SCAF4: variants seen among roughly 807,000 people sequenced by gnomAD.
The protein encoded by SCAF4 is SR-related and CTD-associated factor 4.
SCAF4 carries 25 observed loss-of-function variants against 129.8 expected under a neutral mutation model. The observed-to-expected ratio is 0.19, with a 90% CI of 0.14 to 0.27. The LOEUF is 0.27. Among genes scored for constraint, SCAF4 ranks in the 10% least tolerant of loss-of-function variants. The probability of loss-of-function intolerance (pLI) is 1.00; values close to 1 mark genes in which losing one functional copy is unlikely to be tolerated. For synonymous variants in SCAF4, 551 were observed against 497.7 expected, an observed-to-expected ratio of 1.11 and a Z score of -1.43; for missense variants, 1,246 against 1,457.1, an observed-to-expected ratio of 0.86 and a Z score of 2.36.
chr21:31,699,502 G>GTT (rs202121304), intron 7 of SCAF4, among the ~76,000 whole-genome samples: 1 of 133,936 alleles, frequency 7.5e-6, no homozygotes, highest in Non-Finnish European at 1.6e-5. Flanking sequence ...TGTATTATTT[G>GTT]TTTTTTTTTT....
chr21:31,699,105 T>C (rs1341276232), intron 7 of SCAF4, among the ~76,000 whole-genome samples: 2 of 152,150 alleles, frequency 1.3e-5, no homozygotes, highest in Non-Finnish European at 2.9e-5. Flanking sequence ...AGAATTATTA[T>C]GATGCAGAAA....
Position 31,688,351 on chromosome 21 carries a change from G to A in SCAF4, c.1999C>T (p.Pro667Ser). ...PIPKPLPVPV[P>S]PIPVPAPITV... ...ATAGGTGCAGGAACAGGAATAGGAG[G>A]GACAGGCACAGGTAATGGTTTAGGT... The change falls in exon 16 of 20, where the codon CCT becomes TCT. Residue 667 changes from proline to serine, a missense_variant. Around this residue, in one of 6 missense-constraint regions of SCAF4, gnomAD observed 468 missense variants for 605.5 expected, o/e 0.77. Transcript: ENST00000286835. 1 of 1,613,086 alleles carries A rather than the reference G, an allele frequency of 6.2e-7. No individual in the cohort carries two copies. The highest frequency in any genetic ancestry group is 8.5e-7 in the Non-Finnish European group (1 of 1,179,240).
intron 1 of SCAF4, among the ~76,000 whole-genome samples, chr21:31,710,099 T>A (rs1253395380): frequency 6.6e-6 from 1 of 151,994 alleles, no homozygotes; most frequent in Non-Finnish European, 1.5e-5. Context: ...GGGATAACAA[T>A]GAAACATACT....
intron 1 of SCAF4, among the ~76,000 whole-genome samples, chr21:31,725,642 C>G (rs949448223): frequency 2.0e-5 from 3 of 152,168 alleles, no homozygotes; most frequent in Non-Finnish European, 2.9e-5. Flanking sequence ...CTTTGAGTCC[C>G]TTTCCGTGGT....
chr21:31,699,272 G>A (rs1325803180), intron 7 of SCAF4, among the ~76,000 whole-genome samples: 1 of 152,058 alleles, frequency 6.6e-6, no homozygotes, highest in African/African-American at 2.4e-5. Flanking sequence ...AGATTCCAGA[G>A]GGACTGAACA....
rs138987998 is a variant in SCAF4 at position 31,690,807 on chromosome 21, T to C, written c.1875A>G (p.Thr625=). The C allele has an allele frequency of 2.5e-6, 4 of 1,612,912 alleles. No individual in the cohort carries two copies. The highest frequency in any genetic ancestry group is 1.3e-5 in the African/African-American group (1 of 75,030). ...TAAATACTGCTTTACCTGGGTTAAG[T>C]GTGTCACTGTCCAACATTCCTCCTT... ...FCEGGMLDSD[T]LNPDWKGIPK... is the part of the protein sequence containing the mutation. Residue 625 remains threonine (T), a synonymous_variant, in exon 15 of 20, where the codon ACA becomes ACG. Coordinates refer to ENST00000286835, the MANE Select transcript of SCAF4 (RefSeq NM_020706.2).
chr21:31,710,973 T>C (rs2050786800), intron 1 of SCAF4, among the ~76,000 whole-genome samples: 1 of 152,210 alleles, frequency 6.6e-6, no homozygotes, highest in Admixed American at 6.5e-5. Flanking sequence ...CACCCTTACT[T>C]ATATCTTATT....
intron 7 of SCAF4, among the ~76,000 whole-genome samples, chr21:31,697,692 T>C (rs1458368863): frequency 6.6e-6 from 1 of 152,238 alleles, no homozygotes; most frequent in Admixed American, 6.5e-5. Flanking sequence ...TCTATAATAG[T>C]TCTGCCTAGA....
Position 31,690,865 on chromosome 21 carries a change from T to C in SCAF4, c.1817A>G (p.Lys606Arg), listed in dbSNP as rs781499985. 12 of 1,613,880 alleles carry C rather than the reference T, an allele frequency of 7.4e-6. No homozygotes were observed. In the East Asian group the frequency reaches 2.5e-4, roughly 33 times the overall value. ...ELGVTYIPWD[K>R]VKPEELESFC... is the part of the protein sequence containing the mutation. ...ACTCTCCAGTTCCTCAGGCTTGACT[T>C]TGTCCCATGGAATATAAGTAACACC... is the stretch of plus-strand genomic sequence containing the variant. The change falls in exon 15 of 20, where the codon AAA (lysine) becomes AGA (arginine). Residue 606 changes from lysine to arginine, a missense_variant. By Grantham distance (26) the Lys-to-Arg change is conservative. This residue lies in a region of SCAF4 where 468 missense variants were observed against 605.5 expected (regional missense o/e 0.77). Transcript: ENST00000286835.
intron 19 of SCAF4, among the ~76,000 whole-genome samples, chr21:31,680,654 T>A (rs2049974870): frequency 6.6e-6 from 1 of 152,220 alleles, no homozygotes; most frequent in Non-Finnish European, 1.5e-5. Context: ...AATTACGTAT[T>A]ATGTTAGTAC....
rs1165369054 is a variant in SCAF4 at position 31,717,870 on chromosome 21, CAT to C, written c.31-11515_31-11514del. Among the ~76,000 whole-genome samples, 607 of 124,652 alleles carry C rather than the reference CAT, an allele frequency of 4.9e-3. 8 individuals are homozygous for C. The highest frequency in any genetic ancestry group is 0.019 in the African/African-American group (553 of 28,690). The allele number at this position is 124,652 out of a possible 152,430, so 81.8% of individuals were successfully genotyped here. On this transcript the variant is annotated intron_variant, in intron 1 of 19. Coordinates refer to ENST00000286835, the MANE Select transcript of SCAF4 (RefSeq NM_020706.2). ...ACACACACACACACACACACACACA[CAT>C]ATACACATATATACACATATATACA...
At position 31,717,888 on chromosome 21, in the gene SCAF4, C is replaced by T. The variant is rs1390100993; in HGVS notation, c.31-11531G>A. 2.8e-3 allele frequency among the ~76,000 whole-genome samples: 318 copies of T among 114,430 alleles called. 4 individuals carry two copies. Among genetic ancestry groups the T allele is most frequent in the African/African-American group, 0.01 (301 of 28,944 alleles). The allele number at this position is 114,430 out of a possible 152,430, so 75.1% of individuals were successfully genotyped here. On this transcript the variant is annotated intron_variant, in intron 1 of 19. Transcript: ENST00000286835. ...ACACACACATATACACATATATACA[C>T]ATATATACACATATATACACACACA...
chr21:31,726,191 G>A (rs111369574), intron 1 of SCAF4, among the ~76,000 whole-genome samples: 2,358 of 151,882 alleles, frequency 0.016, 63 homozygotes, highest in African/African-American at 0.054. Context: ...GATTACAGGC[G>A]CCCGCCACCA....
Position 31,685,741 on chromosome 21 carries a change from G to T in SCAF4, c.2044-8C>A. On this transcript the variant is annotated splice_polypyrimidine_tract_variant and splice_region_variant and intron_variant, in intron 16 of 19. Transcript: ENST00000286835. Reference sequence around the variant, plus strand: ...CGGTTGATGTGGTGGGACCTAGAAAGAAAGATAAAAGAATAAACCACCTAT... The same window carrying T: ...CGGTTGATGTGGTGGGACCTAGAAATAAAGATAAAAGAATAAACCACCTAT... 1 of 1,564,972 alleles carries T rather than the reference G, an allele frequency of 6.4e-7. No homozygotes were observed.
intron 1 of SCAF4, among the ~76,000 whole-genome samples, chr21:31,727,426 T>C (rs537727242): frequency 6.6e-6 from 1 of 152,092 alleles, no homozygotes. Context: ...GCAAAAAAAG[T>C]GGGAGGGGCA....
intron 1 of SCAF4, among the ~76,000 whole-genome samples, chr21:31,730,742 T>C (rs1013298390): frequency 3.3e-5 from 5 of 152,174 alleles, no homozygotes; most frequent in African/African-American, 1.2e-4. Flanking sequence ...TTCTGACAAA[T>C]AGGATGTATG....
At chr21:31,685,274 G>A in intron 18 of SCAF4, 34 bp from the exon 19 acceptor site, 1 of 1,526,388 alleles carries the variant, frequency 6.6e-7, no homozygotes, top group Non-Finnish European at 9.1e-7. Context: ...ATGTGAAGCT[G>A]AATAATTAAT....
In SCAF4 at chr21:31,672,151, C is replaced by T; in HGVS notation, c.2692G>A (p.Ala898Thr). The T allele has an allele frequency of 6.2e-7, 1 of 1,605,812 alleles. No homozygotes were observed. The highest frequency in any genetic ancestry group is 8.5e-7 in the Non-Finnish European group (1 of 1,174,132). ...TTCATTCCATGAGGTGGAGGCATCG[C>T]AAAGCCCCCTGGTCCTGGCGGTGGG... ...RGPPPGPGGF[A>T]MPPPHGMKGP... Residue 898 changes from alanine (A) to threonine (T), a missense_variant, in exon 20 of 20, where the codon GCG becomes ACG. Ala to Thr is a moderately conservative substitution (Grantham distance 58). This residue lies in a region of SCAF4 where 339 missense variants were observed against 325.0 expected (regional missense o/e 1.04). Coordinates refer to ENST00000286835, the MANE Select transcript of SCAF4 (RefSeq NM_020706.2).
intron 1 of SCAF4, among the ~76,000 whole-genome samples, chr21:31,723,609 G>GTTTTGTGTGT (rs112184778): frequency 1.3e-4 from 19 of 146,132 alleles, no homozygotes; most frequent in African/African-American, 4.5e-4. Flanking sequence ...TGATTTATAT[G>GTTTTGTGTGT]ATGTGTGTGT....
Sources: gnomAD v4.1 joint callset for allele counts (sites outside exome capture counted in the v4.1 genomes callset) on GRCh38, gnomAD v4.1.1 for gene constraint, gnomAD v4.1.1 regional missense constraint, MANE v1.5 for transcripts, NCBI Gene and HGNC (gene_info 2026-07-23, HGNC 2026-07-21) for gene names.